NXPE2: variants seen among roughly 807,000 people sequenced by gnomAD.
NXPE2 encodes NXPE family member 2.
A neutral mutation model predicts 34.4 loss-of-function variants in NXPE2; 34 were observed. The observed-to-expected ratio is 0.99, with a 90% CI of 0.75 to 1.31. The LOEUF (loss-of-function observed/expected upper bound fraction) is 1.31, where lower values mean the gene tolerates loss of function less well. Ranked by LOEUF, NXPE2 falls within the 40% of genes most tolerant of loss-of-function variation. NXPE2 has a pLI of 0.00. For synonymous variants in NXPE2, 235 were observed against 231.3 expected, an observed-to-expected ratio of 1.02 and a Z score of -0.15; for missense variants, 649 against 672.5, an observed-to-expected ratio of 0.97 and a Z score of 0.39.
At chr11:114,527,491 G>A in the NXPE2 span, among the ~76,000 whole-genome samples, 1 of 152,140 alleles carries the variant, frequency 6.6e-6, no homozygotes, top group African/African-American at 2.4e-5. Context: ...AGGGGGTTAT[G>A]CCAACAGAGA....
chr11:114,803,738 G>A, the NXPE2 span, among the ~76,000 whole-genome samples: 1 of 152,038 alleles, frequency 6.6e-6, no homozygotes, highest in Non-Finnish European at 1.5e-5. Context: ...CACCACGCCT[G>A]ACTCATTTTT....
chr11:114,650,705 C>G, the NXPE2 span, among the ~76,000 whole-genome samples: 3 of 152,244 alleles, frequency 2.0e-5, no homozygotes, highest in South Asian at 6.2e-4. Context: ...ATAAGTAGGG[C>G]AGGCAACTCC....
the NXPE2 span, among the ~76,000 whole-genome samples, chr11:114,637,357 C>A: frequency 5.2e-3 from 786 of 151,980 alleles, 3 homozygotes; most frequent in African/African-American, 0.016. Context: ...CCATGTGTGT[C>A]TCTGCCTGTG....
the NXPE2 span, among the ~76,000 whole-genome samples, chr11:114,771,433 G>T: frequency 6.6e-6 from 1 of 151,078 alleles, no homozygotes; most frequent in Non-Finnish European, 1.5e-5. Context: ...CAGCTCAGGG[G>T]AAGCCTGACA....
At chr11:114,540,837 C>CTTT in the NXPE2 span, among the ~76,000 whole-genome samples, 1 of 47,472 alleles carries the variant, frequency 2.1e-5, no homozygotes, top group African/African-American at 6.0e-5. Context: ...AGAAAGCCAT[C>CTTT]TTTTTTTTTT....
intron 2 of NXPE2, among the ~76,000 whole-genome samples, chr11:114,683,152 T>A (rs2135535097): frequency 6.6e-6 from 1 of 152,204 alleles, no homozygotes; most frequent in Middle Eastern, 3.4e-3. Context: ...TATAAAAGTT[T>A]TTGAGTTTTT....
At chr11:114,695,429 G>C (rs1233897882) in intron 2 of NXPE2, among the ~76,000 whole-genome samples, 2 of 152,102 alleles carry the variant, frequency 1.3e-5, no homozygotes, top group African/African-American at 4.8e-5. Context: ...GGTGAAATAA[G>C]AAGGCCAGAT....
the NXPE2 span, among the ~76,000 whole-genome samples, chr11:114,744,579 C>A: frequency 1.3e-5 from 2 of 152,018 alleles, no homozygotes; most frequent in African/African-American, 4.8e-5. Flanking sequence ...GAGGCTGCGG[C>A]GGGTTGAGTT....
chr11:114,788,130 T>C, the NXPE2 span, among the ~76,000 whole-genome samples: 6 of 152,158 alleles, frequency 3.9e-5, no homozygotes, highest in Non-Finnish European at 8.8e-5. Flanking sequence ...ATCAGTCCTC[T>C]ACCTCCCCCA....
chr11:114,507,181 T>C, the NXPE2 span, among the ~76,000 whole-genome samples: 1 of 147,260 alleles, frequency 6.8e-6, no homozygotes, highest in African/African-American at 2.5e-5. Context: ...AGGAAAAAAT[T>C]GAATCCCTGA....
At chr11:114,616,379 G>T in the NXPE2 span, among the ~76,000 whole-genome samples, 7 of 151,394 alleles carry the variant, frequency 4.6e-5, no homozygotes, top group African/African-American at 1.7e-4. Context: ...GTTACCCAGT[G>T]GAAAATAATT....
chr11:114,612,911 G>A, the NXPE2 span, among the ~76,000 whole-genome samples: 1 of 151,908 alleles, frequency 6.6e-6, no homozygotes, highest in African/African-American at 2.4e-5. Context: ...CTGTTACCCG[G>A]TGGATAATAA....
chr11:114,704,030 C>A lies in NXPE2; in HGVS notation c.906C>A (p.Pro302=). The change falls in exon 4 of 6, where the codon CCC becomes CCA. Residue 302 remains proline, a synonymous_variant. Coordinates refer to ENST00000389586, the MANE Select transcript of NXPE2 (RefSeq NM_182495.6). ...TTGAAATGATGAAGAACTTTACCCCCATTGAGGTCATACCATGCAACAGTA... is the reference window on the plus strand; with the variant it reads ...TTGAAATGATGAAGAACTTTACCCCAATTGAGGTCATACCATGCAACAGTA... ...IGVEMMKNFT[P]IEVIPCNKSE... 1 of 1,551,722 alleles carries A rather than the reference C, an allele frequency of 6.4e-7. No homozygotes were observed. The highest frequency in any genetic ancestry group is 8.7e-7 in the Non-Finnish European group (1 of 1,146,568).
the NXPE2 span, among the ~76,000 whole-genome samples, chr11:114,740,671 C>A: frequency 6.6e-6 from 1 of 152,120 alleles, no homozygotes; most frequent in Admixed American, 6.5e-5. Flanking sequence ...TTTGCATATC[C>A]TGTTAGGTCC....
chr11:114,758,752 A>C, the NXPE2 span, among the ~76,000 whole-genome samples: 1 of 150,288 alleles, frequency 6.7e-6, no homozygotes, highest in Non-Finnish European at 1.5e-5. Context: ...TTAGTAAAAT[A>C]TATATTTATG....
the NXPE2 span, among the ~76,000 whole-genome samples, chr11:114,719,624 C>T: frequency 2.8e-3 from 424 of 152,346 alleles, no homozygotes; most frequent in African/African-American, 8.9e-3. Flanking sequence ...TTTGCTTCTC[C>T]AGGCCTAATG....
the NXPE2 span, among the ~76,000 whole-genome samples, chr11:114,595,151 T>C: frequency 1.3e-5 from 2 of 152,158 alleles, no homozygotes; most frequent in Non-Finnish European, 2.9e-5. Flanking sequence ...CAGCAAATAT[T>C]AACACTGAGA....
At chr11:114,687,739 G>C (rs1470809381) in intron 2 of NXPE2, among the ~76,000 whole-genome samples, 2 of 151,990 alleles carry the variant, frequency 1.3e-5, no homozygotes, top group African/African-American at 4.8e-5. Flanking sequence ...CATGAGCAAG[G>C]GATGTTTTTC....
intron 2 of NXPE2, among the ~76,000 whole-genome samples, chr11:114,694,015 C>T (rs1951202346): frequency 6.6e-6 from 1 of 152,150 alleles, no homozygotes; most frequent in Non-Finnish European, 1.5e-5. Context: ...AGAATATGTT[C>T]CCTGGCCTTT....
Sources: allele counts gnomAD v4.1 joint callset (sites outside exome capture counted in the v4.1 genomes callset), GRCh38; gene constraint gnomAD v4.1.1; transcripts MANE v1.5; gene names NCBI Gene and HGNC (gene_info 2026-07-23, HGNC 2026-07-21).